IGSF21: variants seen among roughly 807,000 people sequenced by gnomAD.
The protein encoded by IGSF21 is immunoglobin superfamily member 21, also known as immunoglobulin superfamily member 21.
IGSF21 carries 28 observed loss-of-function variants against 46.8 expected under a neutral mutation model. The ratio of observed to expected loss-of-function variants is 0.60; its 90% CI spans 0.44 to 0.82. IGSF21 has a LOEUF of 0.82. IGSF21 is among the 40% of genes least tolerant of loss of function. The pLI, the probability that IGSF21 is intolerant of heterozygous loss-of-function variation, is 0.00. For missense variants in IGSF21, 624 were observed against 665.5 expected (o/e 0.94, Z 0.69); for synonymous variants, 284 against 273.6 (o/e 1.04, Z -0.38).
chr1:18,270,769 A>C (rs1431119440), intron 2 of IGSF21, among the ~76,000 whole-genome samples: 2 of 152,004 alleles, frequency 1.3e-5, no homozygotes, highest in African/African-American at 2.4e-5. Context: ...ATCAGTGTCC[A>C]TCAGAGATTC....
At chr1:18,164,816 T>C (rs560339236) in intron 1 of IGSF21, among the ~76,000 whole-genome samples, 176 of 151,958 alleles carry the variant, frequency 1.2e-3, no homozygotes, top group African/African-American at 4.1e-3. Flanking sequence ...ACATGTACCA[T>C]GTTGGTTTGC....
chr1:18,267,682 G>C (rs751610254), intron 2 of IGSF21, among the ~76,000 whole-genome samples: 1 of 152,184 alleles, frequency 6.6e-6, no homozygotes, highest in Non-Finnish European at 1.5e-5. Context: ...CTCAGATCAC[G>C]GGCCCTAGGT....
At position 18,227,898 on chromosome 1, in the gene IGSF21, G is replaced by A; in HGVS notation, c.71G>A (p.Gly24Asp). 1 of 1,613,092 alleles carries A rather than the reference G, an allele frequency of 6.2e-7. No homozygotes were observed. Among genetic ancestry groups the A allele is most frequent in the Non-Finnish European group, 8.5e-7 (1 of 1,179,216 alleles). The part of the protein sequence containing the change: ...LLAAILDLAR[G>D]YLTVNIEPLP... ...CACCCCTTTCTCCTCTCTTCTGTAG[G>A]CTACCTGACAGTCAACATTGAGCCT... The change falls in exon 2 of 10, where the codon GGC (glycine) becomes GAC (aspartate). Residue 24 changes from glycine (G) to aspartate (D), a missense_variant and splice_region_variant. Transcript: ENST00000251296.
intron 2 of IGSF21, among the ~76,000 whole-genome samples, chr1:18,267,316 CA>C (rs1054695072): frequency 4.6e-5 from 7 of 152,192 alleles, no homozygotes; most frequent in African/African-American, 1.7e-4. Flanking sequence ...GTTAAGGAAG[CA>C]GAAGCAGCTC....
At chr1:18,371,641 TGAAATTCTA>T (rs910339582) in intron 6 of IGSF21, among the ~76,000 whole-genome samples, 1 of 152,118 alleles carries the variant, frequency 6.6e-6, no homozygotes, top group African/African-American at 2.4e-5. Context: ...TCCATTTATT[TGAAATTCTA>T]GAACAAAAAA....
chr1:18,362,583 G>A (rs76395594), intron 5 of IGSF21, among the ~76,000 whole-genome samples: 3,244 of 152,268 alleles, frequency 0.021, 54 homozygotes, highest in Non-Finnish European at 0.029. Flanking sequence ...AGGAAAAGGG[G>A]CTTGTCCCAA....
intron 4 of IGSF21, among the ~76,000 whole-genome samples, chr1:18,360,466 C>T (rs2086088240): frequency 6.6e-6 from 1 of 152,148 alleles, no homozygotes; most frequent in Non-Finnish European, 1.5e-5. Context: ...TGCAATGCTT[C>T]ACCTGTTTCA....
chr1:18,364,008 T>C (rs894689960), intron 5 of IGSF21, among the ~76,000 whole-genome samples: 19 of 152,162 alleles, frequency 1.2e-4, no homozygotes, highest in Admixed American at 1.3e-4. Flanking sequence ...AAGCTGTTTT[T>C]TTCTCACAGA....
At chr1:18,181,745 C>T (rs2086859855) in intron 1 of IGSF21, among the ~76,000 whole-genome samples, 1 of 152,186 alleles carries the variant, frequency 6.6e-6, no homozygotes, top group Non-Finnish European at 1.5e-5. Flanking sequence ...GCACATCTGG[C>T]TTGGCAGCAT....
chr1:18,353,718 G>A (rs2085984587), intron 4 of IGSF21, among the ~76,000 whole-genome samples: 1 of 152,228 alleles, frequency 6.6e-6, no homozygotes, highest in South Asian at 2.1e-4. Context: ...AGGGGAAGCT[G>A]CACATGCAAA....
intron 1 of IGSF21, among the ~76,000 whole-genome samples, chr1:18,194,641 A>G (rs1041595527): frequency 1.3e-5 from 2 of 152,190 alleles, no homozygotes; most frequent in Admixed American, 1.3e-4. Context: ...TATTGGCTTT[A>G]GGGCTCACCC....
At chr1:18,112,237 A>C (rs528961290) in intron 1 of IGSF21, 1 of 152,240 alleles carries the variant, frequency 6.6e-6, no homozygotes, top group East Asian at 1.9e-4. Context: ...GCCACCAGGA[A>C]TTCATTTATT....
intron 2 of IGSF21, among the ~76,000 whole-genome samples, chr1:18,254,667 G>C (rs1305460187): frequency 6.6e-6 from 1 of 152,166 alleles, no homozygotes; most frequent in African/African-American, 2.4e-5. Context: ...GTGGCTGATG[G>C]ACTTGAAATT....
chr1:18,354,562 T>A (rs573775623), intron 4 of IGSF21, among the ~76,000 whole-genome samples: 1 of 152,344 alleles, frequency 6.6e-6, no homozygotes, highest in East Asian at 1.9e-4. Flanking sequence ...AGAGCAGGCA[T>A]GCTGAGAGGA....
At chr1:18,173,699 C>G (rs1025738826) in intron 1 of IGSF21, among the ~76,000 whole-genome samples, 2 of 152,196 alleles carry the variant, frequency 1.3e-5, no homozygotes, top group South Asian at 2.1e-4. Flanking sequence ...GAGGAAATAG[C>G]AGATGTGGAT....
intron 2 of IGSF21, among the ~76,000 whole-genome samples, chr1:18,238,270 A>T (rs539981522): frequency 6.6e-6 from 1 of 152,256 alleles, no homozygotes; most frequent in Admixed American, 6.5e-5. Context: ...ATGGCCCATG[A>T]GTGGTCCACG....
chr1:18,182,877 C>A (rs1324292169), intron 1 of IGSF21, among the ~76,000 whole-genome samples: 2 of 152,158 alleles, frequency 1.3e-5, no homozygotes, highest in African/African-American at 4.8e-5. Context: ...TCCACTTGAC[C>A]CATGCTCCAG....
intron 2 of IGSF21, among the ~76,000 whole-genome samples, chr1:18,262,052 C>T (rs1406978863): frequency 6.6e-6 from 1 of 152,164 alleles, no homozygotes; most frequent in Admixed American, 6.5e-5. Context: ...TCCAGAGCCC[C>T]ACCTCCAGAG....
intron 2 of IGSF21, among the ~76,000 whole-genome samples, chr1:18,234,319 T>C (rs992128368): frequency 6.6e-6 from 1 of 152,166 alleles, no homozygotes; most frequent in African/African-American, 2.4e-5. Context: ...TGATGAGGTA[T>C]GTCCAGTGCT....
Sources: allele counts gnomAD v4.1 joint callset (sites outside exome capture counted in the v4.1 genomes callset), GRCh38; gene constraint gnomAD v4.1.1; transcripts MANE v1.5; gene names NCBI Gene and HGNC (gene_info 2026-07-23, HGNC 2026-07-21).